Variants in PCDHGB1 observed in about 807,000 individuals in gnomAD.
The protein encoded by PCDHGB1 is protocadherin gamma subfamily B, 1.
PCDHGB1 carries 34 observed loss-of-function variants against 56.6 expected under a neutral mutation model. The observed-to-expected ratio is 0.60, with a 90% CI of 0.46 to 0.80. The LOEUF (loss-of-function observed/expected upper bound fraction) is 0.80, where lower values mean the gene tolerates loss of function less well. Ranked by LOEUF, PCDHGB1 falls within the 30% of genes least tolerant of loss-of-function variation. The pLI is 0.00. For missense variants in PCDHGB1, 1,278 were observed against 1,204.6 expected (o/e 1.06, Z -0.90); for synonymous variants, 561 against 505.9 (o/e 1.11, Z -1.46).
At chr5:141,499,300 C>G (rs2154592463) in intron 2 of PCDHGB1, among the ~76,000 whole-genome samples, 1 of 152,292 alleles carries the variant, frequency 6.6e-6, no homozygotes, top group South Asian at 2.1e-4. Context: ...ACTACCATCC[C>G]TCCTCTGAGA....
intron 1 of PCDHGB1, among the ~76,000 whole-genome samples, chr5:141,475,532 T>C (rs1011968434): frequency 6.6e-6 from 1 of 152,228 alleles, no homozygotes; most frequent in East Asian, 1.9e-4. Context: ...AAATGCCTCC[T>C]TACAAGTAGG....
At chr5:141,482,801 G>C (rs1230060558) in intron 1 of PCDHGB1, among the ~76,000 whole-genome samples, 1 of 152,176 alleles carries the variant, frequency 6.6e-6, no homozygotes, top group African/African-American at 2.4e-5. Flanking sequence ...GCCGGGTACG[G>C]TGGCTCATGC....
At chr5:141,418,530 G>C in intron 1 of PCDHGB1, 1 of 1,613,952 alleles carries the variant, frequency 6.2e-7, no homozygotes, top group Non-Finnish European at 8.5e-7. Flanking sequence ...CCCCGAAGCG[G>C]TACTGCTCAG....
Position 141,490,778 on chromosome 5 carries a change from A to T in PCDHGB1, c.2410-4029A>T, listed in dbSNP as rs964301520. The T allele has an allele frequency of 5.6e-6, 9 of 1,614,098 alleles. No individual in the cohort carries two copies. The highest frequency in any genetic ancestry group is 7.6e-6 in the Non-Finnish European group (9 of 1,179,962). On this transcript the variant is annotated intron_variant, in intron 1 of 3. Transcript: ENST00000523390. This position sits in a 1 kb window ranked among gnomAD's most constrained non-coding sequence, Gnocchi z 5.4. ...TCCTTTGTGTATGTCAACCCAGAGG[A>T]TGGACGGATCTTTGCCCAGCGTACC... is the stretch of plus-strand genomic sequence containing the variant.
chr5:141,389,481 C>A, intron 1 of PCDHGB1: 1 of 1,613,080 alleles, frequency 6.2e-7, no homozygotes, highest in Non-Finnish European at 8.5e-7. Context: ...ACTGCAGGCC[C>A]GCGACCAGGG....
At chr5:141,374,951 C>T (rs780549456) in intron 1 of PCDHGB1, 2 of 1,614,018 alleles carry the variant, frequency 1.2e-6, no homozygotes, top group Non-Finnish European at 1.7e-6. Context: ...AAAGATCTCA[C>T]AAATTTTCTG....
intron 1 of PCDHGB1, chr5:141,420,083 A>C (rs2096465782): frequency 2.5e-6 from 4 of 1,614,020 alleles, no homozygotes; most frequent in Non-Finnish European, 3.4e-6. Context: ...GGGTCCCCCC[A>C]ACTACAGTGA....
chr5:141,422,040 C>A, intron 1 of PCDHGB1: 1 of 1,611,442 alleles, frequency 6.2e-7, no homozygotes, highest in Non-Finnish European at 8.5e-7. Context: ...CGGATCCAGA[C>A]GAGGGAATCA....
rs1435240793 is a variant in PCDHGB1 at position 141,402,906 on chromosome 5, CA to C, written c.2409+50238del. ...GGGTGGAAGAAAGAACCTGATGAAG[CA>C]GCGCGCACAGAGATCCTTTTGAGAA... On this transcript the variant is annotated intron_variant, in intron 1 of 3. Coordinates refer to ENST00000523390, the MANE Select transcript of PCDHGB1 (RefSeq NM_018922.3). The C allele has an allele frequency of 3.9e-6, 6 of 1,529,062 alleles. No homozygotes were observed. The African/African-American group carries it at 8.3e-5, about 21-fold the overall frequency. 94.7% of individuals were successfully genotyped at this position (1,529,062 alleles called of 1,614,324 possible). A position where few individuals can be genotyped will look rare whatever the true frequency, so the allele number is the denominator to read the frequency against.
intron 1 of PCDHGB1, chr5:141,416,273 T>C (rs891505781): frequency 8.5e-5 from 13 of 152,298 alleles, no homozygotes; most frequent in African/African-American, 3.1e-4. Flanking sequence ...CCTTTTTGCA[T>C]ACAATTCTCT....
intron 1 of PCDHGB1, chr5:141,355,807 G>C (rs1444554207): frequency 6.2e-7 from 1 of 1,613,264 alleles, no homozygotes; most frequent in Admixed American, 1.7e-5. Flanking sequence ...TCTAGATCGC[G>C]AGGAAGAGGC....
At chr5:141,510,845 C>T (rs2099883036) in intron 3 of PCDHGB1, 102 bp from the exon 4 acceptor site, 3 of 1,593,960 alleles carry the variant, frequency 1.9e-6, no homozygotes, top group Non-Finnish European at 2.6e-6. Context: ...TGGTCAAGGC[C>T]CAGGGTGCTG....
chr5:141,439,131 T>A (rs2098090046), intron 1 of PCDHGB1, among the ~76,000 whole-genome samples: 1 of 150,502 alleles, frequency 6.6e-6, no homozygotes, highest in Non-Finnish European at 1.5e-5. Flanking sequence ...AGACAGAGGT[T>A]GCAGTGAGCT....
At position 141,491,065 on chromosome 5, in the gene PCDHGB1, C is replaced by T; in HGVS notation, c.2410-3742C>T. On this transcript the variant is annotated intron_variant, in intron 1 of 3. Transcript: ENST00000523390. This position sits in a 1 kb window ranked among gnomAD's most constrained non-coding sequence, Gnocchi z 6.9. ...CCACAATGCGTGGCTCTCCTACTCA[C>T]TGTTGCCACAGTCCACAGCCCCAGG... 4 of 1,614,210 alleles carry T rather than the reference C, an allele frequency of 2.5e-6. No individual in the cohort carries two copies. Among genetic ancestry groups the T allele is most frequent in the Admixed American group, 1.7e-5 (1 of 60,030 alleles).
At chr5:141,420,314 A>C (rs1454977890) in intron 1 of PCDHGB1, 1 of 1,442,690 alleles carries the variant, frequency 6.9e-7, no homozygotes. Flanking sequence ...TTTATATTAC[A>C]ATATGCCAAT....
intron 1 of PCDHGB1, among the ~76,000 whole-genome samples, chr5:141,479,077 A>G (rs1393042749): frequency 6.6e-6 from 1 of 152,224 alleles, no homozygotes; most frequent in Non-Finnish European, 1.5e-5. Context: ...ATGAAATGAA[A>G]TTCCAGGCAT....
chr5:141,361,218 A>G (rs963780957), intron 1 of PCDHGB1: 8 of 1,613,906 alleles, frequency 5.0e-6, no homozygotes, highest in Non-Finnish European at 6.8e-6. Flanking sequence ...AGGATTCGCC[A>G]CCAGGAACAG....
intron 1 of PCDHGB1, among the ~76,000 whole-genome samples, chr5:141,466,534 T>C (rs1343781541): frequency 6.6e-6 from 1 of 152,214 alleles, no homozygotes; most frequent in Non-Finnish European, 1.5e-5. Flanking sequence ...CAAATTGATG[T>C]AGATGGTCTT....
At position 141,404,170 on chromosome 5, in the gene PCDHGB1, G is replaced by A. The variant is rs73279089; in HGVS notation, c.2409+51501G>A. 22 of 1,612,630 alleles carry A rather than the reference G, an allele frequency of 1.4e-5. No individual in the cohort carries two copies. In the East Asian group the frequency reaches 1.8e-4, roughly 13 times the overall value. On this transcript the variant is annotated intron_variant, in intron 1 of 3. Coordinates refer to ENST00000523390, the MANE Select transcript of PCDHGB1 (RefSeq NM_018922.3). ...AAGAAGATTATTACAGATTGTTGACGGCCCAAATTCTTGACCGAGAAAAAG... is the reference window on the plus strand; with the variant it reads ...AAGAAGATTATTACAGATTGTTGACAGCCCAAATTCTTGACCGAGAAAAAG...
Sources: gnomAD v4.1 joint callset for allele counts (sites outside exome capture counted in the v4.1 genomes callset) on GRCh38, gnomAD v4.1.1 for gene constraint, Gnocchi (gnomAD v3.1) non-coding constraint, MANE v1.5 for transcripts, NCBI Gene and HGNC (gene_info 2026-07-23, HGNC 2026-07-21) for gene names.